Variants in THYN1 observed in about 807,000 individuals in gnomAD.
THYN1 encodes the protein thymocyte nuclear protein 1, also known as thymocyte protein thy28.
A neutral mutation model predicts 30.6 loss-of-function variants in THYN1; 32 were observed. That is an observed-to-expected ratio of 1.05 (90% CI 0.79 to 1.40). The LOEUF is 1.40. Ranked by LOEUF, THYN1 falls within the 40% of genes most tolerant of loss-of-function variation. The pLI is 0.00. For synonymous variants in THYN1, 107 were observed against 90.8 expected, an observed-to-expected ratio of 1.18 and a Z score of -1.01; for missense variants, 259 against 272.6, an observed-to-expected ratio of 0.95 and a Z score of 0.35.
At chr11:134,252,751 A>C in intron 1 of THYN1, 89 bp downstream of exon 1, 1 of 1,454,314 alleles carries the variant, frequency 6.9e-7, no homozygotes, top group Admixed American at 1.7e-5. Flanking sequence ...GGGTTCTCAA[A>C]AAGCAGGGAG....
intron 1 of THYN1, 60 bp from the exon 2 acceptor site, chr11:134,251,368 G>GA: frequency 6.5e-7 from 1 of 1,542,526 alleles, no homozygotes; most frequent in Non-Finnish European, 8.7e-7. Context: ...TTTCATAATG[G>GA]AAAAAGCTTA....
chr11:134,248,746 G>GT (rs1938902679), intron 6 of THYN1, 63 bp downstream of exon 6: 2 of 1,598,024 alleles, frequency 1.3e-6, no homozygotes, highest in Admixed American at 1.7e-5. Context: ...TAATCAGCTA[G>GT]TAAGTGGGAA....
In THYN1 at chr11:134,253,346, G is replaced by T. The variant is rs928271969; in HGVS notation, c.-464C>A. ...GCGGTCCGCCTCCGCTGCGCCGCAG[G>T]CTGTGCAGCGCGACCCCCGCGGCGC... On this transcript the variant is annotated 5_prime_UTR_variant, in exon 1 of 7. Transcript: ENST00000341541. 2 of 1,410,168 alleles carry T rather than the reference G, an allele frequency of 1.4e-6. No individual in the cohort carries two copies. Among genetic ancestry groups the T allele is most frequent in the East Asian group, 2.6e-5 (1 of 38,012 alleles). The allele number at this position is 1,410,168 out of a possible 1,614,324, so 87.4% of individuals were successfully genotyped here. A position where few individuals can be genotyped will look rare whatever the true frequency, so the allele number is the denominator to read the frequency against.
Position 134,252,857 on chromosome 11 carries a change from G to A in THYN1, c.26C>T (p.Ala9Val), listed in dbSNP as rs929020427. The A allele has an allele frequency of 2.5e-6, 4 of 1,609,682 alleles. No individual in the cohort carries two copies. The highest frequency in any genetic ancestry group is 1.1e-5 in the South Asian group (1 of 90,346). ...CAGCTCACCTGAACCAGAAGTCCCA[G>A]CCAGCCTCTTCCGGGGTCTCGACAT... MSRPRKRL[A>V]GTSGSDKGLS... Residue 9 changes from alanine to valine, a missense_variant, in exon 1 of 7, where the codon GCT becomes GTT. Coordinates refer to ENST00000341541, the MANE Select transcript of THYN1 (RefSeq NM_014174.3).
chr11:134,249,263 C>G lies in THYN1; in HGVS notation c.385-1G>C. ...GGTCTGGGTAAGCCTCTTTCACGAT[C>G]TGAAACCAAAACAAAAGCTTTGAAT... On this transcript the variant is annotated splice_acceptor_variant, in intron 4 of 6. Transcript: ENST00000341541. LOFTEE classifies it high-confidence loss of function. The G allele has an allele frequency of 1.2e-6, 2 of 1,614,214 alleles. No homozygotes were observed. Among genetic ancestry groups the G allele is most frequent in the Non-Finnish European group, 1.7e-6 (2 of 1,180,032 alleles).
At position 134,252,983 on chromosome 11, in the gene THYN1, G is replaced by A; in HGVS notation, c.-101C>T. On this transcript the variant is annotated 5_prime_UTR_variant, in exon 1 of 7. Transcript: ENST00000341541. ...CAAAACCCGCGCAGAGCGAGATGGA[G>A]GCAACGAGAGGCAGCCTAGAACGTC... The A allele has an allele frequency of 1.3e-6, 2 of 1,484,862 alleles. No individual in the cohort carries two copies. Among genetic ancestry groups the A allele is most frequent in the Non-Finnish European group, 1.8e-6 (2 of 1,121,654 alleles). 92.0% of individuals were successfully genotyped at this position (1,484,862 alleles called of 1,614,324 possible).
rs528157924 is a variant in THYN1 at position 134,251,427 on chromosome 11, A to G, written c.44-119T>C. The G allele has an allele frequency of 2.8e-5, 32 of 1,147,432 alleles. No homozygotes were observed. The African/African-American group carries it at 4.6e-4, about 17-fold the overall frequency. The allele number at this position is 1,147,432 out of a possible 1,614,324, so 71.1% of individuals were successfully genotyped here. A position where few individuals can be genotyped will look rare whatever the true frequency, so the allele number is the denominator to read the frequency against. ...AAATCATGGATCCATTACCAGCTGT[A>G]GGAACTTAATCTTACTGTTAAGAAG... On this transcript the variant is annotated intron_variant, in intron 1 of 6. Transcript: ENST00000341541.
rs533181515 is a variant in THYN1, at chr11:134,252,866, T to C, written c.17A>G (p.Lys6Arg). 1 of 1,607,124 alleles carries C rather than the reference T, an allele frequency of 6.2e-7. No individual in the cohort carries two copies. The highest frequency in any genetic ancestry group is 1.3e-5 in the African/African-American group (1 of 74,356). Residue 6 changes from lysine to arginine, a missense_variant, in exon 1 of 7, where the codon AAG becomes AGG. Lys to Arg is a conservative substitution (Grantham distance 26). Coordinates refer to ENST00000341541, the MANE Select transcript of THYN1 (RefSeq NM_014174.3). Reference sequence around the variant, plus strand: ...TGAACCAGAAGTCCCAGCCAGCCTCTTCCGGGGTCTCGACATGGTCACGCT... The same window carrying C: ...TGAACCAGAAGTCCCAGCCAGCCTCCTCCGGGGTCTCGACATGGTCACGCT... MSRPR[K>R]RLAGTSGSDK...
Position 134,252,826 on chromosome 11 carries a change from TAGGGGCA to T in THYN1, c.43+7_43+13del. On this transcript the variant is annotated splice_region_variant and intron_variant, in intron 1 of 6. Coordinates refer to ENST00000341541, the MANE Select transcript of THYN1 (RefSeq NM_014174.3). ...TTTCTTGGGCTGCCTTTGTGCAGCC[TAGGGGCA>T]GCTCACCTGAACCAGAAGTCCCAGC... The T allele has an allele frequency of 6.2e-7, 1 of 1,613,756 alleles. No homozygotes were observed.
chr11:134,253,314 C>A lies in THYN1; in HGVS notation c.-432G>T. On this transcript the variant is annotated 5_prime_UTR_variant, in exon 1 of 7. Coordinates refer to ENST00000341541, the MANE Select transcript of THYN1 (RefSeq NM_014174.3). ...GGCTACAGACCCAACACTCTGCAGACTCGACTGCGGTCCGCCTCCGCTGCG... is the reference window on the plus strand; with the variant it reads ...GGCTACAGACCCAACACTCTGCAGAATCGACTGCGGTCCGCCTCCGCTGCG... 1 of 1,396,992 alleles carries A rather than the reference C, an allele frequency of 7.2e-7. No homozygotes were observed. Among genetic ancestry groups the A allele is most frequent in the Non-Finnish European group, 9.3e-7 (1 of 1,076,116 alleles). The allele number at this position is 1,396,992 out of a possible 1,614,324, so 86.5% of individuals were successfully genotyped here.
intron 3 of THYN1, 137 bp downstream of exon 3, chr11:134,250,138 T>A: frequency 9.6e-7 from 1 of 1,040,748 alleles, no homozygotes; most frequent in Admixed American, 2.2e-5. Flanking sequence ...ACTTAAGGCA[T>A]TTTTTAATAC....
intron 2 of THYN1, 38 bp from the exon 3 acceptor site, chr11:134,250,381 C>T (rs763424752): frequency 4.3e-6 from 7 of 1,611,884 alleles, no homozygotes; most frequent in African/African-American, 1.3e-5. Context: ...TTAAACAATC[C>T]TTGGCCAGTT....
At chr11:134,249,973 G>C in intron 3 of THYN1, 53 bp from the exon 4 acceptor site, 1 of 1,547,008 alleles carries the variant, frequency 6.5e-7, no homozygotes, top group Non-Finnish European at 8.8e-7. Flanking sequence ...GAAAGTACTA[G>C]CTTTTAGCAG....
chr11:134,251,625 A>G (rs1939061434), intron 1 of THYN1: 4 of 245,878 alleles, frequency 1.6e-5, no homozygotes, highest in Middle Eastern at 1.3e-3. Flanking sequence ...TTGCATAGGA[A>G]AGAGGAAACT....
chr11:134,251,244 C>G lies in THYN1; in HGVS notation c.108G>C (p.Glu36Asp), dbSNP rs3741103. 6.2e-6 allele frequency: 10 copies of G among 1,614,048 alleles called. No individual in the cohort carries two copies. The South Asian group carries it at 9.9e-5, about 16-fold the overall frequency. The change falls in exon 2 of 7, where the codon GAG (glutamate) becomes GAC (aspartate). Residue 36 changes from glutamate to aspartate, a missense_variant. Physicochemically the swap from Glu to Asp is conservative, Grantham distance 45. Transcript: ENST00000341541. ...CTGAAGTCTTCTGAGGGTTGGAGTC[C>G]TCCACTTTAGCTAATGCCTCACCTG... Reference protein sequence around the residue: ...ENSGEALAKVEDSNPQKTSAT... With the variant: ...ENSGEALAKVDDSNPQKTSAT...
intron 6 of THYN1, 141 bp downstream of exon 6, chr11:134,248,668 A>T (rs1434046048): frequency 7.3e-7 from 1 of 1,374,670 alleles, no homozygotes; most frequent in African/African-American, 1.4e-5. Context: ...CTCTGGCCAC[A>T]TTCCCTCCCT....
chr11:134,250,866 C>T lies in THYN1; in HGVS notation c.222+264G>A, dbSNP rs1939014952. On this transcript the variant is annotated intron_variant, in intron 2 of 6. Transcript: ENST00000341541. ...TGTGGCCACTCTCTTGCTACAAGGG[C>T]AGGGTTGCAACAGAGACTGTAACAC... is the stretch of plus-strand genomic sequence containing the variant. Among the ~76,000 whole-genome samples the T allele has an allele frequency of 2.0e-5, 3 of 152,164 alleles. No homozygotes were observed. In the South Asian group the frequency reaches 6.2e-4, roughly 32 times the overall value.
chr11:134,249,012 C>T, intron 5 of THYN1, 53 bp from the exon 6 acceptor site: 49 of 1,605,870 alleles, frequency 3.1e-5, no homozygotes, highest in Non-Finnish European at 4.2e-5. Flanking sequence ...TGACTGTGCC[C>T]ACTGTATTTT....
In THYN1 at chr11:134,249,625, T is replaced by C. The variant is rs528087109; in HGVS notation, c.384+203A>G. ...AGACTTAGAGGTGGAGTGAAGTCTGTGCTAGTCGGACCTGAATGAAGGCCT... is the reference window on the plus strand; with the variant it reads ...AGACTTAGAGGTGGAGTGAAGTCTGCGCTAGTCGGACCTGAATGAAGGCCT... On this transcript the variant is annotated intron_variant, in intron 4 of 6. Transcript: ENST00000341541. Among the ~76,000 whole-genome samples the C allele has an allele frequency of 1.1e-4, 17 of 151,790 alleles. No homozygotes were observed. The South Asian group carries it at 3.5e-3, about 32-fold the overall frequency.
Sources: gnomAD v4.1 joint callset for allele counts (sites outside exome capture counted in the v4.1 genomes callset) on GRCh38, gnomAD v4.1.1 for gene constraint, MANE v1.5 for transcripts, NCBI Gene and HGNC (gene_info 2026-07-23, HGNC 2026-07-21) for gene names.